The following POU6F2 variants were observed in gnomAD, a reference collection of about 807,000 sequenced individuals.
The protein encoded by POU6F2 is POU class 6 homeobox 2, also known as POU domain, class 6, transcription factor 2.
A neutral mutation model predicts 71.3 loss-of-function variants in POU6F2; 31 were observed. The observed-to-expected ratio is 0.43, with a 90% CI of 0.33 to 0.59. The LOEUF (loss-of-function observed/expected upper bound fraction) is 0.59. Among genes scored for constraint, POU6F2 ranks in the 20% least tolerant of loss-of-function variants. The pLI, the probability that POU6F2 is intolerant of heterozygous loss-of-function variation, is 0.04. For synonymous variants in POU6F2, 347 were observed against 355.7 expected (o/e 0.98, Z 0.27); for missense variants, 783 against 856.8 (o/e 0.91, Z 1.07).
At chr7:39,330,901 T>C (rs1785632563) in intron 4 of POU6F2, among the ~76,000 whole-genome samples, 1 of 152,220 alleles carries the variant, frequency 6.6e-6, no homozygotes, top group African/African-American at 2.4e-5. Flanking sequence ...TAATTTTAAG[T>C]CTGTACCCAT....
intron 1 of POU6F2, among the ~76,000 whole-genome samples, chr7:39,033,786 T>C (rs1170389813): frequency 6.6e-6 from 1 of 152,226 alleles, no homozygotes; most frequent in African/African-American, 2.4e-5. Flanking sequence ...CAATCTTTCA[T>C]ACATTTATAG....
intron 4 of POU6F2, among the ~76,000 whole-genome samples, chr7:39,214,789 C>A (rs1244926201): frequency 6.6e-6 from 1 of 152,142 alleles, no homozygotes; most frequent in Non-Finnish European, 1.5e-5. Context: ...TCTACAGGTT[C>A]TATCAATAGC....
Position 39,091,206 on chromosome 7 carries a change from ATTTG to A in POU6F2, c.277+5181_277+5184del, listed in dbSNP as rs377084389. Among the ~76,000 whole-genome samples the A allele has an allele frequency of 2.2e-4, 33 of 152,284 alleles. No homozygotes were observed. In the East Asian group the frequency reaches 3.9e-3, roughly 18 times the overall value. On this transcript the variant is annotated intron_variant, in intron 2 of 9. Transcript: ENST00000518318. ...CACTGGTGTTCAAACTTTTCACCAT[ATTTG>A]TTTGTGGAGCTGCTCATTTCTAAGT...
At chr7:39,314,195 C>G (rs1785219875) in intron 4 of POU6F2, among the ~76,000 whole-genome samples, 1 of 152,190 alleles carries the variant, frequency 6.6e-6, no homozygotes, top group Admixed American at 6.5e-5. Context: ...TCACAACACT[C>G]CCGGCGTGTG....
intron 1 of POU6F2, among the ~76,000 whole-genome samples, chr7:39,026,115 G>T (rs1023154184): frequency 6.6e-6 from 1 of 152,048 alleles, no homozygotes; most frequent in South Asian, 2.1e-4. Flanking sequence ...TGCCGGAGAG[G>T]ATGTGGAGAA....
At position 39,277,095 on chromosome 7, in the gene POU6F2, A is replaced by G. The variant is rs1029748461; in HGVS notation, c.599-62547A>G. ...TCTCTTTCAAAACATAACTCCCAGC[A>G]TGTGCTTTGGGAGAAACTTTCAATT... On this transcript the variant is annotated intron_variant, in intron 4 of 9. Transcript: ENST00000518318. 2.6e-5 allele frequency among the ~76,000 whole-genome samples: 4 copies of G among 152,292 alleles called. No homozygotes were observed. In the East Asian group the frequency reaches 7.7e-4, roughly 29 times the overall value.
chr7:39,278,023 G>A (rs527312612), intron 4 of POU6F2, among the ~76,000 whole-genome samples: 60 of 145,668 alleles, frequency 4.1e-4, no homozygotes, highest in Non-Finnish European at 8.0e-4. Context: ...GCAGTGAGCC[G>A]AGATCGGGCC....
intron 4 of POU6F2, among the ~76,000 whole-genome samples, chr7:39,250,780 A>C (rs1783901044): frequency 6.6e-6 from 1 of 152,232 alleles, no homozygotes; most frequent in African/African-American, 2.4e-5. Context: ...CTCAAGATTA[A>C]GTTGAATTGG....
chr7:39,414,902 A>T (rs1044049228), intron 6 of POU6F2, among the ~76,000 whole-genome samples: 2 of 152,114 alleles, frequency 1.3e-5, no homozygotes, highest in Non-Finnish European at 2.9e-5. Flanking sequence ...AGTTTGCAGG[A>T]TTCTCTCTGA....
chr7:39,165,378 G>A (rs540565889), intron 2 of POU6F2, among the ~76,000 whole-genome samples: 3 of 152,260 alleles, frequency 2.0e-5, no homozygotes, highest in African/African-American at 4.8e-5. Flanking sequence ...GAAATTAATT[G>A]TCTAAGACAG....
At chr7:39,267,354 A>G (rs556387698) in intron 4 of POU6F2, among the ~76,000 whole-genome samples, 107 of 152,282 alleles carry the variant, frequency 7.0e-4, no homozygotes, top group African/African-American at 2.2e-3. Flanking sequence ...CTTATTTTCA[A>G]TCGTTCAGGA....
In POU6F2 at chr7:39,105,591, T is replaced by C. The variant is rs552675548; in HGVS notation, c.277+19560T>C. Among the ~76,000 whole-genome samples, 77 of 152,282 alleles carry C rather than the reference T, an allele frequency of 5.1e-4. No homozygotes were observed. In the South Asian group the frequency reaches 0.016, roughly 32 times the overall value. ...ATTCTTGGTGCTTTAGATAGAAGGA[T>C]ATACAAATAATTTCTGGCTCTGTTG... On this transcript the variant is annotated intron_variant, in intron 2 of 9. Transcript: ENST00000518318.
At chr7:39,222,162 A>G (rs1268750538) in intron 4 of POU6F2, among the ~76,000 whole-genome samples, 1 of 152,214 alleles carries the variant, frequency 6.6e-6, no homozygotes, top group African/African-American at 2.4e-5. Flanking sequence ...CCACAACATC[A>G]GACATATTTG....
chr7:39,001,652 G>A (rs1424398386), intron 1 of POU6F2, among the ~76,000 whole-genome samples: 1 of 71,258 alleles, frequency 1.4e-5, no homozygotes, highest in Non-Finnish European at 2.7e-5. Flanking sequence ...TGGGAGAAAT[G>A]GTGATAATGG....
intron 1 of POU6F2, among the ~76,000 whole-genome samples, chr7:39,048,471 T>C (rs2128713441): frequency 6.6e-6 from 1 of 152,090 alleles, no homozygotes; most frequent in South Asian, 2.1e-4. Context: ...GTTAGTGTCC[T>C]AAGGACAATG....
At chr7:39,237,955 C>T (rs1241972410) in intron 4 of POU6F2, among the ~76,000 whole-genome samples, 2 of 152,104 alleles carry the variant, frequency 1.3e-5, no homozygotes, top group African/African-American at 2.4e-5. Flanking sequence ...TGATGGAACT[C>T]TCTCTAGGCC....
At chr7:39,369,910 C>T (rs895029560) in intron 5 of POU6F2, among the ~76,000 whole-genome samples, 27 of 150,802 alleles carry the variant, frequency 1.8e-4, no homozygotes, top group African/African-American at 3.4e-4. Context: ...CCCAGGCTGG[C>T]GTCAAACTCC....
intron 2 of POU6F2, among the ~76,000 whole-genome samples, chr7:39,153,387 C>T (rs1792799618): frequency 6.6e-6 from 1 of 152,126 alleles, no homozygotes; most frequent in Admixed American, 6.5e-5. Flanking sequence ...GGATCTCAGA[C>T]ATGGTGGCTT....
At chr7:39,143,107 C>G (rs1310457664) in intron 2 of POU6F2, among the ~76,000 whole-genome samples, 2 of 152,148 alleles carry the variant, frequency 1.3e-5, no homozygotes, top group Non-Finnish European at 2.9e-5. Context: ...GTAGCTGTGG[C>G]ATAGAGAAGT....
Sources: gnomAD v4.1 joint callset for allele counts (sites outside exome capture counted in the v4.1 genomes callset) on GRCh38, gnomAD v4.1.1 for gene constraint, MANE v1.5 for transcripts, NCBI Gene and HGNC (gene_info 2026-07-23, HGNC 2026-07-21) for gene names.